The following FNBP1 variants were observed in gnomAD, a reference collection of about 807,000 sequenced individuals.
FNBP1 encodes formin-binding protein 1.
A neutral mutation model predicts 90.6 loss-of-function variants in FNBP1; 26 were observed. The ratio of observed to expected loss-of-function variants is 0.29; its 90% confidence interval spans 0.21 to 0.40. The LOEUF is 0.40. Among genes scored for constraint, FNBP1 ranks in the 10% least tolerant of loss-of-function variants. The pLI, the probability that FNBP1 is intolerant of heterozygous loss-of-function variation, is 1.00. For missense variants in FNBP1, 635 were observed against 768.0 expected (o/e 0.83, Z 2.05); for synonymous variants, 260 against 265.2 (o/e 0.98, Z 0.19).
intron 1 of FNBP1, among the ~76,000 whole-genome samples, chr9:130,008,396 T>G (rs992912596): frequency 3.9e-5 from 6 of 151,934 alleles, no homozygotes; most frequent in African/African-American, 1.5e-4. Flanking sequence ...AGTTTAAAAA[T>G]TACTCCTCCA....
intron 2 of FNBP1, among the ~76,000 whole-genome samples, chr9:129,984,733 G>T (rs1308445019): frequency 1.3e-5 from 2 of 150,596 alleles, no homozygotes; most frequent in Non-Finnish European, 2.9e-5. Context: ...ATTGAATCAT[G>T]GGGGGGGCCG....
the FNBP1 span, among the ~76,000 whole-genome samples, chr9:130,048,491 C>CTTTTTTTTTTTT: frequency 4.6e-3 from 481 of 105,040 alleles, 35 homozygotes; most frequent in African/African-American, 5.5e-3. Flanking sequence ...CCTCAGTTTC[C>CTTTTTTTTTTTT]TTTTTTTTTT....
intron 6 of FNBP1, among the ~76,000 whole-genome samples, chr9:129,940,333 A>T (rs1423876747): frequency 6.6e-6 from 1 of 152,240 alleles, no homozygotes; most frequent in Non-Finnish European, 1.5e-5. Context: ...GATCAGGTAT[A>T]TCTTCAAAAG....
At chr9:129,935,959 A>C (rs1206085690) in intron 6 of FNBP1, among the ~76,000 whole-genome samples, 1 of 36,134 alleles carries the variant, frequency 2.8e-5, no homozygotes, top group Admixed American at 3.2e-4. Context: ...TTAAATGATA[A>C]ACTATATAGG....
chr9:129,999,553 G>A (rs185571341), intron 1 of FNBP1, among the ~76,000 whole-genome samples: 24 of 150,870 alleles, frequency 1.6e-4, no homozygotes, highest in Admixed American at 6.6e-4. Flanking sequence ...AGTGGAAATC[G>A]CACCACTGCA....
intron 4 of FNBP1, among the ~76,000 whole-genome samples, chr9:129,965,330 G>C (rs1280433714): frequency 1.3e-5 from 2 of 152,054 alleles, no homozygotes; most frequent in Admixed American, 1.3e-4. Flanking sequence ...GAACGTGTTC[G>C]AAGTTTTCTA....
At chr9:129,924,132 C>T in intron 9 of FNBP1, 106 bp from the exon 10 acceptor site, 1 of 1,170,446 alleles carries the variant, frequency 8.5e-7, no homozygotes, top group Non-Finnish European at 1.2e-6. Context: ...AAGTAAAACA[C>T]AAACAATTAA....
At position 129,925,056 on chromosome 9, in the gene FNBP1, A is replaced by T; in HGVS notation, c.891T>A (p.Asp297Glu). ...YTQPMKRTVS[D>E]NSLSNSRGEG... is the part of the protein sequence containing the mutation. ...CTCCTCTGGAATTTGAAAGGCTGTT[A>T]TCTGACACAGTGCGCTTCATTGGCT... The change falls in exon 9 of 17, where the codon GAT (aspartate) becomes GAA (glutamate). Residue 297 changes from aspartate (D) to glutamate (E), a missense_variant. Transcript: ENST00000446176. The T allele has an allele frequency of 1.2e-6, 2 of 1,613,970 alleles. No homozygotes were observed. Among genetic ancestry groups the T allele is most frequent in the Admixed American group, 1.7e-5 (1 of 60,016 alleles).
chr9:129,989,269 G>C (rs991051247), intron 2 of FNBP1, among the ~76,000 whole-genome samples: 10 of 152,192 alleles, frequency 6.6e-5, no homozygotes. Flanking sequence ...GTTTTCTGCT[G>C]TGAAAGGTGA....
intron 7 of FNBP1, 113 bp from the exon 8 acceptor site, chr9:129,927,454 G>C: frequency 1.1e-6 from 1 of 947,306 alleles, no homozygotes; most frequent in Admixed American, 2.1e-5. Flanking sequence ...AAATGGGTTA[G>C]AGTTAGAGCG....
At chr9:129,893,035 C>T (rs1393368671) in intron 16 of FNBP1, among the ~76,000 whole-genome samples, 2 of 152,054 alleles carry the variant, frequency 1.3e-5, no homozygotes, top group South Asian at 2.1e-4. Flanking sequence ...AGGTTAATGT[C>T]GTCTTGCCCT....
intron 6 of FNBP1, among the ~76,000 whole-genome samples, chr9:129,935,944 G>C (rs944618437): frequency 2.0e-5 from 2 of 101,374 alleles, no homozygotes; most frequent in Non-Finnish European, 2.0e-5. Context: ...ATACATTGCT[G>C]TTCCTTAAAT....
At chr9:130,037,592 T>C (rs1192437476) in intron 1 of FNBP1, among the ~76,000 whole-genome samples, 2 of 152,124 alleles carry the variant, frequency 1.3e-5, no homozygotes, top group South Asian at 2.1e-4. Flanking sequence ...CATGCCTAAG[T>C]AGAATGAACA....
intron 4 of FNBP1, among the ~76,000 whole-genome samples, chr9:129,975,206 G>A (rs1388740312): frequency 2.0e-5 from 3 of 152,220 alleles, no homozygotes; most frequent in African/African-American, 7.2e-5. Flanking sequence ...GCAACAGAGC[G>A]AGACTCCGTC....
intron 1 of FNBP1, among the ~76,000 whole-genome samples, chr9:130,002,032 A>C (rs2054936902): frequency 6.9e-6 from 1 of 144,392 alleles, no homozygotes; most frequent in South Asian, 2.2e-4. Context: ...CTGCCTCAAA[A>C]AAAAAAAAAA....
intron 10 of FNBP1, among the ~76,000 whole-genome samples, chr9:129,918,358 C>T (rs570108203): frequency 9.7e-4 from 147 of 152,278 alleles, no homozygotes; most frequent in Non-Finnish European, 1.8e-3. Context: ...AATTAGAAAG[C>T]GAAATCATTG....
At chr9:129,942,029 C>A (rs2044400880) in intron 6 of FNBP1, among the ~76,000 whole-genome samples, 1 of 151,522 alleles carries the variant, frequency 6.6e-6, no homozygotes, top group East Asian at 1.9e-4. Flanking sequence ...TAAGATCGCA[C>A]CACTGCACTC....
chr9:129,900,278 G>T lies in FNBP1; in HGVS notation c.1550+148C>A. 1 of 1,098,142 alleles carries T rather than the reference G, an allele frequency of 9.1e-7. No individual in the cohort carries two copies. Among genetic ancestry groups the T allele is most frequent in the Non-Finnish European group, 1.3e-6 (1 of 799,588 alleles). 68.0% of individuals were successfully genotyped at this position (1,098,142 alleles called of 1,614,324 possible). On this transcript the variant is annotated intron_variant, in intron 14 of 16. Transcript: ENST00000446176. The surrounding 1 kb of genome is among the most constrained non-coding windows in gnomAD (Gnocchi z 4.1). ...CCATCCCATGTGGAATTATAAATCT[G>T]CATCATGGAAAAAGTGACAGGTCAA...
Position 130,033,125 on chromosome 9 carries a change from A to G in FNBP1, c.24+9827T>C, listed in dbSNP as rs1000357427. The stretch of plus-strand genomic sequence containing the variant: ...TTCATTAACCTTCCCCATGATTATA[A>G]TAATTTGTGTTTACCTATCACCTTT... On this transcript the variant is annotated intron_variant, in intron 1 of 16. Coordinates refer to ENST00000446176, the MANE Select transcript of FNBP1 (RefSeq NM_015033.3). 3.3e-5 allele frequency among the ~76,000 whole-genome samples: 5 copies of G among 152,218 alleles called. No homozygotes were observed. The East Asian group carries it at 9.6e-4, about 29-fold the overall frequency.
Sources: gnomAD v4.1 joint callset for allele counts (sites outside exome capture counted in the v4.1 genomes callset) on GRCh38, gnomAD v4.1.1 for gene constraint, Gnocchi (gnomAD v3.1) non-coding constraint, MANE v1.5 for transcripts, NCBI Gene and HGNC (gene_info 2026-07-23, HGNC 2026-07-21) for gene names.